NDUFAF3: variants seen among roughly 807,000 people sequenced by gnomAD.
The protein encoded by NDUFAF3 is NADH:ubiquinone oxidoreductase complex assembly factor 3.
Under a neutral mutation model 22.6 loss-of-function variants are expected in NDUFAF3, and 21 were observed. That is an observed-to-expected ratio of 0.93 (90% CI 0.66 to 1.34). NDUFAF3 has a LOEUF of 1.34. Among genes scored for constraint, NDUFAF3 ranks in the 40% most tolerant of loss-of-function variants. The probability of loss-of-function intolerance (pLI) is 0.00; values close to 1 mark genes in which losing one functional copy is unlikely to be tolerated. For missense variants in NDUFAF3, 251 were observed against 248.4 expected (o/e 1.01, Z -0.07); for synonymous variants, 113 against 104.9 (o/e 1.08, Z -0.47).
At chr3:49,020,580 G>C (rs1390100517), upstream of NDUFAF3, 1 of 472,624 alleles carries the variant, frequency 2.1e-6, no homozygotes, top group South Asian at 1.6e-5. Context: ...AGTATGTCTG[G>C]GGGTCAGGGG....
At chr3:49,023,022 G>A in intron 4 of NDUFAF3, 34 bp from the exon 5 acceptor site, 5 of 1,612,662 alleles carry the variant, frequency 3.1e-6, no homozygotes, top group Non-Finnish European at 4.2e-6. Context: ...CAGGCCTGGC[G>A]CTAGACAGGC....
At chr3:49,020,675 C>T (rs747850562), upstream of NDUFAF3, 1 of 492,906 alleles carries the variant, frequency 2.0e-6, no homozygotes, top group Non-Finnish European at 4.2e-6. Context: ...GAGACAACAG[C>T]TGCTTTTGGG....
Position 49,022,551 on chromosome 3 carries a change from C to T in NDUFAF3, c.270+13C>T. ...GGTGCAGTGGAACGTGAGTCCTGGC[C>T]CGCAGTGTGGAAACTGAGGCCCAGA... On this transcript the variant is annotated intron_variant, in intron 2 of 4. Coordinates refer to ENST00000326925, the MANE Select transcript of NDUFAF3 (RefSeq NM_199069.2). This position sits in a 1 kb window ranked among gnomAD's most constrained non-coding sequence, Gnocchi z 6.6. The T allele has an allele frequency of 6.2e-7, 1 of 1,613,418 alleles. No individual in the cohort carries two copies. The highest frequency in any genetic ancestry group is 8.5e-7 in the Non-Finnish European group (1 of 1,179,948).
chr3:49,021,334 C>T (rs1404270206), upstream of NDUFAF3: 3 of 152,548 alleles, frequency 2.0e-5, no homozygotes, highest in African/African-American at 4.8e-5. This position sits in a 1 kb window ranked among gnomAD's most constrained non-coding sequence, Gnocchi z 4.1. Context: ...GCCAGTAGGC[C>T]CTTGACTTGG....
rs771461861 is a variant in NDUFAF3 at position 49,022,762 on chromosome 3, C to T, written c.331C>T (p.Arg111Trp). ...SFSLFWLLEP[R>W]IEIVVVGTGD... The stretch of plus-strand genomic sequence containing the variant: ...TTCCCTCTTCTGGTTGCTGGAGCCC[C>T]GGATAGGTACTGGGGAAGGGGAGGG... Residue 111 changes from arginine to tryptophan, a missense_variant, in exon 3 of 5, where the codon CGG becomes TGG. By Grantham distance (101) the Arg-to-Trp change is moderately radical (BLOSUM62 -3). Transcript: ENST00000326925. This position sits in a 1 kb window ranked among gnomAD's most constrained non-coding sequence, Gnocchi z 6.6. 2 of 1,613,988 alleles carry T rather than the reference C, an allele frequency of 1.2e-6. No individual in the cohort carries two copies. The highest frequency in any genetic ancestry group is 2.7e-5 in the African/African-American group (2 of 75,004).
At position 49,022,525 on chromosome 3, in the gene NDUFAF3, T is replaced by G; in HGVS notation, c.257T>G (p.Val86Gly). The change falls in exon 2 of 5, where the codon GTG becomes GGG. Residue 86 changes from valine to glycine, a missense_variant. Physicochemically the swap from Val to Gly is moderately radical, Grantham distance 109. Transcript: ENST00000326925. This position sits in a 1 kb window ranked among gnomAD's most constrained non-coding sequence, Gnocchi z 6.6. ...LGPCALLPHS[V>G]VQWNVGSHQD... is the part of the protein sequence containing the mutation. The stretch of plus-strand genomic sequence containing the variant: ...CCCTGCGCTCTGCTCCCGCACTCGG[T>G]GGTGCAGTGGAACGTGAGTCCTGGC... The G allele has an allele frequency of 6.2e-7, 1 of 1,613,262 alleles. No homozygotes were observed. Among genetic ancestry groups the G allele is most frequent in the Non-Finnish European group, 8.5e-7 (1 of 1,179,942 alleles).
Position 49,022,835 on chromosome 3 carries a change from C to G in NDUFAF3, c.338-41C>G, listed in dbSNP as rs755454871. 6.2e-7 allele frequency: 1 copy of G among 1,613,530 alleles called. No individual in the cohort carries two copies. The highest frequency in any genetic ancestry group is 8.5e-7 in the Non-Finnish European group (1 of 1,179,858). ...CAGAAGGCGACCCCCACTGCAGCCT[C>G]TCAACAGAACTGTAGACTAGCCACA... On this transcript the variant is annotated intron_variant, in intron 3 of 4. Coordinates refer to ENST00000326925, the MANE Select transcript of NDUFAF3 (RefSeq NM_199069.2). The surrounding 1 kb of genome is among the most constrained non-coding windows in gnomAD (Gnocchi z 6.6).
upstream of NDUFAF3, chr3:49,021,896 C>T (rs886058665): frequency 8.9e-5 from 50 of 560,282 alleles, no homozygotes; most frequent in South Asian, 1.3e-4. The surrounding 1 kb of genome is among the most constrained non-coding windows in gnomAD (Gnocchi z 4.1). Flanking sequence ...CCAGGTGTTC[C>T]ACTCCCCCGG....
chr3:49,021,858 A>C (rs2093160805), upstream of NDUFAF3: 3 of 500,002 alleles, frequency 6.0e-6, no homozygotes, highest in Non-Finnish European at 1.1e-5. This position sits in a 1 kb window ranked among gnomAD's most constrained non-coding sequence, Gnocchi z 4.1. Context: ...GCTGCGGCCC[A>C]GGCAACGCCC....
At chr3:49,023,009 G>T (rs2093177585) in intron 4 of NDUFAF3, 33 bp downstream of exon 4, 1 of 1,613,734 alleles carries the variant, frequency 6.2e-7, no homozygotes. Context: ...GCTGCGGGGA[G>T]CACAGGCCTG....
chr3:49,020,679 T>C (rs1289916556), upstream of NDUFAF3: 1 of 491,774 alleles, frequency 2.0e-6, no homozygotes, highest in Non-Finnish European at 4.2e-6. Context: ...CAACAGCTGC[T>C]TTTGGGATTC....
At position 49,022,994 on chromosome 3, in the gene NDUFAF3, G is replaced by A. The variant is rs1244992733; in HGVS notation, c.438+18G>A. Reference sequence around the variant, plus strand: ...AGGACACGGTGAGTCCCGGGACTGGGGCATGCTGCGGGGAGCACAGGCCTG... The same window carrying A: ...AGGACACGGTGAGTCCCGGGACTGGAGCATGCTGCGGGGAGCACAGGCCTG... On this transcript the variant is annotated intron_variant, in intron 4 of 4. Coordinates refer to ENST00000326925, the MANE Select transcript of NDUFAF3 (RefSeq NM_199069.2). The surrounding 1 kb of genome is among the most constrained non-coding windows in gnomAD (Gnocchi z 6.6). 2 of 1,614,016 alleles carry A rather than the reference G, an allele frequency of 1.2e-6. No homozygotes were observed. Among genetic ancestry groups the A allele is most frequent in the African/African-American group, 1.3e-5 (1 of 75,032 alleles).
Position 49,022,890 on chromosome 3 carries a change from G to A in NDUFAF3, c.352G>A (p.Gly118Arg). 1 of 1,614,060 alleles carries A rather than the reference G, an allele frequency of 6.2e-7. No homozygotes were observed. Among genetic ancestry groups the A allele is most frequent in the South Asian group, 1.1e-5 (1 of 91,082 alleles). ...LEPRIEIVVV[G>R]TGDRTERLQS... ...CCCTTCCCTAGAGATCGTGGTGGTG[G>A]GGACTGGAGACCGGACCGAGAGGCT... The change falls in exon 4 of 5, where the codon GGG (glycine) becomes AGG (arginine). Residue 118 changes from glycine (G) to arginine (R), a missense_variant. Gly to Arg is a moderately radical substitution (Grantham distance 125, BLOSUM62 -2). Transcript: ENST00000326925. The surrounding 1 kb of genome is among the most constrained non-coding windows in gnomAD (Gnocchi z 6.6).
rs573982046 is a variant in NDUFAF3, at chr3:49,022,887, G to C, written c.349G>C (p.Val117Leu). The part of the protein sequence containing the change: ...LLEPRIEIVV[V>L]GTGDRTERLQ... ...CCACCCTTCCCTAGAGATCGTGGTG[G>C]TGGGGACTGGAGACCGGACCGAGAG... Residue 117 changes from valine (V) to leucine (L), a missense_variant, in exon 4 of 5, where the codon GTG becomes CTG. Physicochemically the swap from Val to Leu is conservative, Grantham distance 32 (BLOSUM62 1). Coordinates refer to ENST00000326925, the MANE Select transcript of NDUFAF3 (RefSeq NM_199069.2). This position sits in a 1 kb window ranked among gnomAD's most constrained non-coding sequence, Gnocchi z 6.6. 1 of 1,614,026 alleles carries C rather than the reference G, an allele frequency of 6.2e-7. No individual in the cohort carries two copies. The highest frequency in any genetic ancestry group is 1.3e-5 in the African/African-American group (1 of 75,042).
rs1235044686 is a variant in NDUFAF3, at chr3:49,022,916, G to T, written c.378G>T (p.Leu126=). The change falls in exon 4 of 5, where the codon CTG becomes CTT. Residue 126 remains leucine (L), a synonymous_variant. Coordinates refer to ENST00000326925, the MANE Select transcript of NDUFAF3 (RefSeq NM_199069.2). The surrounding 1 kb of genome is among the most constrained non-coding windows in gnomAD (Gnocchi z 6.6). ...VVGTGDRTER[L]QSQVLQAMRQ... is the part of the protein sequence containing the mutation. ...GGACTGGAGACCGGACCGAGAGGCT[G>T]CAGTCCCAGGTGCTTCAAGCCATGA... 7 of 1,613,898 alleles carry T rather than the reference G, an allele frequency of 4.3e-6. No homozygotes were observed. Among genetic ancestry groups the T allele is most frequent in the Non-Finnish European group, 5.9e-6 (7 of 1,180,044 alleles).
At position 49,022,166 on chromosome 3, in the gene NDUFAF3, C is replaced by A. The variant is rs1405702546; in HGVS notation, c.22C>A (p.Arg8Ser). MATALAL[R>S]SLYRARPSLR... ...AGCCATGGCCACCGCTCTCGCGCTACGTAGCTTGTACCGAGCGCGACCCTC... is the reference window on the plus strand; with the variant it reads ...AGCCATGGCCACCGCTCTCGCGCTAAGTAGCTTGTACCGAGCGCGACCCTC... Residue 8 changes from arginine (R) to serine (S), a missense_variant, in exon 1 of 5, where the codon CGT becomes AGT. Physicochemically the swap from Arg to Ser is moderately radical, Grantham distance 110. Coordinates refer to ENST00000326925, the MANE Select transcript of NDUFAF3 (RefSeq NM_199069.2). The surrounding 1 kb of genome is among the most constrained non-coding windows in gnomAD (Gnocchi z 6.6). 1 of 1,610,200 alleles carries A rather than the reference C, an allele frequency of 6.2e-7. No individual in the cohort carries two copies. The highest frequency in any genetic ancestry group is 1.7e-5 in the Admixed American group (1 of 59,982).
Position 49,022,460 on chromosome 3 carries a change from C to T in NDUFAF3, c.192C>T (p.Asn64=). The change falls in exon 2 of 5, where the codon AAC becomes AAT. Residue 64 remains asparagine (N), a synonymous_variant. Coordinates refer to ENST00000326925, the MANE Select transcript of NDUFAF3 (RefSeq NM_199069.2). This position sits in a 1 kb window ranked among gnomAD's most constrained non-coding sequence, Gnocchi z 6.6. ...AGGCAATGTACATCGACAGCTACAA[C>T]AGCCGCGGCTTCATGATAAACGGAA... The part of the protein sequence containing the change: ...AAQAMYIDSY[N]SRGFMINGNR... 4 of 1,613,148 alleles carry T rather than the reference C, an allele frequency of 2.5e-6. No individual in the cohort carries two copies. The highest frequency in any genetic ancestry group is 3.4e-6 in the Non-Finnish European group (4 of 1,179,996).
Position 49,022,214 on chromosome 3 carries a change from C to T in NDUFAF3, c.70C>T (p.Leu24Phe). ...RPSLRCPPVELPWAPRRGHRL... is the reference protein window; with the variant it reads ...RPSLRCPPVEFPWAPRRGHRL... ...CTCGCTGCGCTGTCCGCCCGTTGAG[C>T]TTCCCTGGTGAGCTTGGACCCCGCG... Residue 24 changes from leucine (L) to phenylalanine (F), a missense_variant, in exon 1 of 5, where the codon CTT (leucine) becomes TTT (phenylalanine). By Grantham distance (22) the Leu-to-Phe change is conservative (BLOSUM62 0). Transcript: ENST00000326925. The surrounding 1 kb of genome is among the most constrained non-coding windows in gnomAD (Gnocchi z 6.6). The T allele has an allele frequency of 5.6e-6, 9 of 1,611,022 alleles. No homozygotes were observed. Among genetic ancestry groups the T allele is most frequent in the Non-Finnish European group, 5.9e-6 (7 of 1,179,660 alleles).
chr3:49,020,599 C>G (rs1359258046), upstream of NDUFAF3: 1 of 479,890 alleles, frequency 2.1e-6, no homozygotes, highest in Non-Finnish European at 4.3e-6. Flanking sequence ...GGCACCCCAT[C>G]TGGGCCAGGG....
Sources: gnomAD v4.1 joint callset for allele counts on GRCh38, gnomAD v4.1.1 for gene constraint, Gnocchi (gnomAD v3.1) non-coding constraint, MANE v1.5 for transcripts, NCBI Gene and HGNC (gene_info 2026-07-23, HGNC 2026-07-21) for gene names.